The following GTF2I variants were observed in gnomAD, a reference collection of about 807,000 sequenced individuals.
GTF2I encodes general transcription factor II-I.
In GTF2I, 12 loss-of-function variants were observed where a neutral mutation model predicts 67.6. The observed-to-expected ratio is 0.18, with a 90% confidence interval of 0.11 to 0.29. GTF2I has a LOEUF of 0.29. Ranked by LOEUF, GTF2I falls within the 10% of genes least tolerant of loss-of-function variation. The pLI is 1.00. For synonymous variants in GTF2I, 149 were observed against 197.0 expected (o/e 0.76, Z 2.04); for missense variants, 271 against 580.1 (o/e 0.47, Z 5.47).
At chr7:74,713,175 TA>T (rs5884957) in intron 9 of GTF2I, among the ~76,000 whole-genome samples, 91,719 of 151,920 alleles carry the variant, frequency 0.6, 29,589 homozygotes, top group East Asian at 0.9. Context: ...AAATACCAAC[TA>T]AAAAAAATAT....
chr7:74,664,281 A>G (rs1009434780), intron 1 of GTF2I, among the ~76,000 whole-genome samples: 1 of 151,710 alleles, frequency 6.6e-6, no homozygotes, highest in Non-Finnish European at 1.5e-5. Context: ...TCCTCTGTAA[A>G]ATTCTTGTTT....
At chr7:74,688,832 G>GTCTTGTTCTCC in intron 1 of GTF2I, 1 of 332,460 alleles carries the variant, frequency 3.0e-6, no homozygotes, top group Non-Finnish European at 5.6e-6. Flanking sequence ...GCCTTGCCTC[G>GTCTTGTTCTCC]TCTTGTTCTT....
At chr7:74,733,785 TTTAG>T (rs2131529224) in intron 15 of GTF2I, 134 bp from the exon 16 acceptor site, 1 of 338,604 alleles carries the variant, frequency 3.0e-6, no homozygotes, top group African/African-American at 2.7e-5. Flanking sequence ...AAAAAAAAGA[TTTAG>T]TTGTGCTCAA....
intron 1 of GTF2I, among the ~76,000 whole-genome samples, chr7:74,667,011 G>A (rs1805042489): frequency 6.6e-6 from 1 of 151,836 alleles, no homozygotes; most frequent in African/African-American, 2.4e-5. Context: ...TAGGCGTGGT[G>A]GTGCGCACCT....
rs1324031057 is a variant in GTF2I, at chr7:74,674,865, T to TA, written c.-5-14259_-5-14258insA. Reference sequence around the variant, plus strand: ...CCCAGCCCTCTAATATATATATATATTTTTTTGAGACGGAGTTTCACTCTT... The same window carrying TA: ...CCCAGCCCTCTAATATATATATATATATTTTTTGAGACGGAGTTTCACTCTT... On this transcript the variant is annotated intron_variant, in intron 1 of 34. Coordinates refer to ENST00000573035, the MANE Select transcript of GTF2I (RefSeq NM_032999.4). Among the ~76,000 whole-genome samples, 13 of 148,970 alleles carry TA rather than the reference T, an allele frequency of 8.7e-5. 1 individual carries two copies. The highest frequency in any genetic ancestry group is 4.2e-4 in the South Asian group (2 of 4,726).
chr7:74,706,361 G>A, intron 7 of GTF2I, 29 bp from the exon 8 acceptor site: 4 of 1,608,130 alleles, frequency 2.5e-6, no homozygotes, highest in Non-Finnish European at 3.4e-6. Flanking sequence ...CCAGCACGTG[G>A]CTTGATCAGG....
intron 1 of GTF2I, among the ~76,000 whole-genome samples, chr7:74,676,808 C>T (rs371824636): frequency 5.3e-5 from 8 of 152,230 alleles, no homozygotes; most frequent in African/African-American, 1.7e-4. Context: ...GTAATCCCAG[C>T]ACTTTAGGAG....
At chr7:74,664,622 C>G (rs1804808987) in intron 1 of GTF2I, among the ~76,000 whole-genome samples, 2 of 151,728 alleles carry the variant, frequency 1.3e-5, no homozygotes, top group Admixed American at 6.6e-5. Flanking sequence ...TTAGTAGATA[C>G]AGGTTTCACC....
intron 1 of GTF2I, among the ~76,000 whole-genome samples, chr7:74,662,204 CTTT>C (rs59914241): frequency 4.2e-3 from 347 of 82,582 alleles, no homozygotes; most frequent in Non-Finnish European, 6.1e-3. Flanking sequence ...TTTTTTCTTT[CTTT>C]TTTTTTTTTT....
intron 4 of GTF2I, chr7:74,700,039 T>C (rs1312655361): frequency 1.9e-6 from 1 of 522,524 alleles, no homozygotes; most frequent in Non-Finnish European, 3.4e-6. Flanking sequence ...AAATATTTTA[T>C]CTACTTTTCA....
chr7:74,677,642 C>T (rs926481558), intron 1 of GTF2I, among the ~76,000 whole-genome samples: 4 of 151,400 alleles, frequency 2.6e-5, no homozygotes, highest in African/African-American at 4.9e-5. Flanking sequence ...ATTAGCCGGG[C>T]GTGGTGACAT....
chr7:74,663,089 A>G (rs1361962718), intron 1 of GTF2I, among the ~76,000 whole-genome samples: 1 of 152,162 alleles, frequency 6.6e-6, no homozygotes, highest in Admixed American at 6.6e-5. Context: ...ATTACTGGTT[A>G]CCAGCTATTT....
chr7:74,731,367 T>C (rs1371831471), intron 14 of GTF2I, among the ~76,000 whole-genome samples: 1 of 142,970 alleles, frequency 7.0e-6, no homozygotes, highest in Non-Finnish European at 1.5e-5. Flanking sequence ...TGAGCATTTT[T>C]TCTTCATCAT....
chr7:74,671,457 A>T (rs1039036556), intron 1 of GTF2I, among the ~76,000 whole-genome samples: 7 of 148,890 alleles, frequency 4.7e-5, no homozygotes, highest in Non-Finnish European at 7.4e-5. Flanking sequence ...TTTAGCTATT[A>T]GCTGTCTGAA....
intron 1 of GTF2I, among the ~76,000 whole-genome samples, chr7:74,687,967 G>A (rs587766777): frequency 5.9e-5 from 9 of 152,252 alleles, no homozygotes; most frequent in African/African-American, 1.9e-4. Flanking sequence ...TAATTTGCAT[G>A]CTATTTACAG....
At chr7:74,682,784 C>G (rs1236979074) in intron 1 of GTF2I, among the ~76,000 whole-genome samples, 1 of 152,198 alleles carries the variant, frequency 6.6e-6, no homozygotes, top group East Asian at 1.9e-4. Context: ...AAAATAACTG[C>G]CCCATTACCA....
chr7:74,691,473 A>G (rs1788302020), intron 3 of GTF2I, among the ~76,000 whole-genome samples: 1 of 152,076 alleles, frequency 6.6e-6, no homozygotes, highest in South Asian at 2.1e-4. Context: ...CCCAAAGTGC[A>G]GAGGGATTAT....
intron 12 of GTF2I, among the ~76,000 whole-genome samples, chr7:74,723,123 GT>G (rs71098008): frequency 4.7e-4 from 62 of 132,182 alleles, no homozygotes; most frequent in Non-Finnish European, 5.0e-4. Context: ...GGTGCTAAGA[GT>G]TTTTTTTTTT....
chr7:74,670,227 G>GGT (rs1395585955), intron 1 of GTF2I, among the ~76,000 whole-genome samples: 1 of 152,150 alleles, frequency 6.6e-6, no homozygotes, highest in Non-Finnish European at 1.5e-5. Flanking sequence ...AACTTTGTAA[G>GGT]GTAAGTATGC....
Sources: allele counts gnomAD v4.1 joint callset (sites outside exome capture counted in the v4.1 genomes callset), GRCh38; gene constraint gnomAD v4.1.1; transcripts MANE v1.5; gene names NCBI Gene and HGNC (gene_info 2026-07-23, HGNC 2026-07-21).